The following CNPY2 variants were observed in gnomAD, a reference collection of about 807,000 sequenced individuals.
CNPY2 encodes canopy FGF signaling regulator 2.
A neutral mutation model predicts 25.5 loss-of-function variants in CNPY2; 19 were observed. That is an observed-to-expected ratio of 0.74 (90% confidence interval 0.52 to 1.09). The LOEUF is 1.09. CNPY2 is among the 50% of genes least tolerant of loss of function. The pLI, the probability that CNPY2 is intolerant of heterozygous loss-of-function variation, is 0.00. For missense variants in CNPY2, 214 were observed against 233.6 expected (o/e 0.92, Z 0.55); for synonymous variants, 82 against 85.0 (o/e 0.96, Z 0.19).
At position 56,311,273 on chromosome 12, in the gene CNPY2, T is replaced by C. The variant is rs2135935051; in HGVS notation, c.346A>G (p.Ser116Gly). The C allele has an allele frequency of 6.2e-7, 1 of 1,614,226 alleles. No homozygotes were observed. The change falls in exon 4 of 6, where the codon AGT (serine) becomes GGT (glycine). Residue 116 changes from serine (S) to glycine (G), a missense_variant. Physicochemically the swap from Ser to Gly is moderately conservative, Grantham distance 56. Transcript: ENST00000273308. The stretch of plus-strand genomic sequence containing the variant: ...CGGATGCCTTGTAGGTCCAGTTCAC[T>C]GGATTCTCCATTCCGGCCCACTACA... The part of the protein sequence containing the change: ...VRVVGRNGES[S>G]ELDLQGIRID...
intron 3 of CNPY2, 38 bp from the exon 4 acceptor site, chr12:56,311,452 C>T: frequency 1.3e-6 from 2 of 1,571,882 alleles, no homozygotes; most frequent in Non-Finnish European, 1.8e-6. Context: ...TCTCTTCTAC[C>T]TCTGTACATT....
chr12:56,311,131 G>A lies in CNPY2; in HGVS notation c.409-77C>T, dbSNP rs1873703636. 8.7e-6 allele frequency: 14 copies of A among 1,602,018 alleles called. No individual in the cohort carries two copies. The South Asian group carries it at 1.3e-4, about 15-fold the overall frequency. ...CCTTCACTTCCAAAGAGGAGGACAA[G>A]GATATCAGCCTAACTTTCTAATTGG... On this transcript the variant is annotated intron_variant, in intron 4 of 5. Coordinates refer to ENST00000273308, the MANE Select transcript of CNPY2 (RefSeq NM_014255.7).
At chr12:56,310,833 A>C (rs1873693116) in intron 5 of CNPY2, 125 bp downstream of exon 5, 11 of 950,126 alleles carry the variant, frequency 1.2e-5, no homozygotes, top group Non-Finnish European at 1.5e-5. Context: ...CCCTAAGCCA[A>C]GGGAAATGGA....
At chr12:56,314,550 G>A in intron 3 of CNPY2, 1 of 1,202,514 alleles carries the variant, frequency 8.3e-7, no homozygotes. Context: ...ATTTTGAACG[G>A]ATGTTTGCAT....
chr12:56,314,813 G>A, intron 3 of CNPY2, 38 bp downstream of exon 3: 1 of 1,614,192 alleles, frequency 6.2e-7, no homozygotes, highest in Non-Finnish European at 8.5e-7. Flanking sequence ...TCCAAAGCCA[G>A]AGTGAGCTAC....
upstream of CNPY2, chr12:56,316,321 C>G (rs943647137): frequency 6.6e-6 from 1 of 152,540 alleles, no homozygotes; most frequent in Non-Finnish European, 1.5e-5. Context: ...GCGCTGCCGG[C>G]CAGCGAGCAG....
chr12:56,312,128 T>C (rs576821704), intron 3 of CNPY2, among the ~76,000 whole-genome samples: 94 of 152,224 alleles, frequency 6.2e-4, no homozygotes, highest in African/African-American at 2.2e-3. Flanking sequence ...TCCGCCCACC[T>C]TGGCCTCCCC....
rs766286531 is a variant in CNPY2, at chr12:56,315,264, AC to A, written c.-25-23del. The A allele has an allele frequency of 1.8e-4, 269 of 1,478,922 alleles. 2 individuals carry two copies. The highest frequency in any genetic ancestry group is 1.8e-5 in the Non-Finnish European group (19 of 1,064,116). 91.6% of individuals were successfully genotyped at this position (1,478,922 alleles called of 1,614,324 possible). Reference sequence around the variant, plus strand: ...CCACCTGGGTTTGAGTGGGAATAAAACATAAGTGTGAGGAGCCGACTCCATT... The same window carrying A: ...CCACCTGGGTTTGAGTGGGAATAAAAATAAGTGTGAGGAGCCGACTCCATT... On this transcript the variant is annotated intron_variant, in intron 1 of 5. Coordinates refer to ENST00000273308, the MANE Select transcript of CNPY2 (RefSeq NM_014255.7).
Position 56,310,580 on chromosome 12 carries a change from G to C in CNPY2, c.521C>G (p.Ala174Gly). The C allele has an allele frequency of 3.7e-6, 6 of 1,614,182 alleles. No individual in the cohort carries two copies. Among genetic ancestry groups the C allele is most frequent in the Non-Finnish European group, 5.1e-6 (6 of 1,180,018 alleles). The change falls in exon 6 of 6, where the codon GCC (alanine) becomes GGC (glycine). Residue 174 changes from alanine to glycine, a missense_variant. Coordinates refer to ENST00000273308, the MANE Select transcript of CNPY2 (RefSeq NM_014255.7). ...TAGCTCATCATGCGATATGTGCAGG[G>C]CATGGTCACAAAGATCTGCAAATGG... ...CSKRTDLCDH[A>G]LHISHDEL
At chr12:56,315,375 A>G in intron 1 of CNPY2, 133 bp from the exon 2 acceptor site, 1 of 620,308 alleles carries the variant, frequency 1.6e-6, no homozygotes, top group Non-Finnish European at 2.8e-6. Flanking sequence ...AATGGCCGGG[A>G]CACAAAGGGG....
chr12:56,312,935 T>C (rs1873763976), intron 3 of CNPY2: 1 of 152,200 alleles, frequency 6.6e-6, no homozygotes, highest in African/African-American at 2.4e-5. Context: ...ACAGAATTTT[T>C]TGATTAACCT....
chr12:56,313,444 C>T (rs1019291241), intron 3 of CNPY2, among the ~76,000 whole-genome samples: 17 of 151,982 alleles, frequency 1.1e-4, no homozygotes, highest in African/African-American at 3.4e-4. Flanking sequence ...GAGCCGAGAT[C>T]GTGTCATTGC....
rs781487912 is a variant in CNPY2 at position 56,310,545 on chromosome 12, C to T, written c.*7G>A. The T allele has an allele frequency of 6.2e-7, 1 of 1,614,170 alleles. No individual in the cohort carries two copies. ...TCCATCAAGCCAGTGTGGGCTGCTC[C>T]AGTGGTTCATAGCTCATCATGCGAT... On this transcript the variant is annotated 3_prime_UTR_variant, in exon 6 of 6. Coordinates refer to ENST00000273308, the MANE Select transcript of CNPY2 (RefSeq NM_014255.7).
chr12:56,316,182 A>C (rs1873945651), upstream of CNPY2: 2 of 152,680 alleles, frequency 1.3e-5, no homozygotes, highest in Admixed American at 6.5e-5. Context: ...GAACAGATCC[A>C]CGTGACCACC....
intron 3 of CNPY2, among the ~76,000 whole-genome samples, chr12:56,313,256 C>T (rs985210560): frequency 1.3e-5 from 2 of 151,920 alleles, no homozygotes; most frequent in African/African-American, 4.8e-5. Flanking sequence ...TTTGAGAGGC[C>T]GAGGAGGGTG....
At chr12:56,310,754 C>T (rs954529413) in intron 5 of CNPY2, among the ~76,000 whole-genome samples, 159 bp from the exon 6 acceptor site, 1 of 152,224 alleles carries the variant, frequency 6.6e-6, no homozygotes, top group Non-Finnish European at 1.5e-5. Flanking sequence ...TGTCCTCTCA[C>T]CTGTATCTCA....
rs1186921942 is a variant in CNPY2 at position 56,315,045 on chromosome 12, T to A, written c.89-79A>T. ...AGGAGAATGGGATCAACCCAGGATT[T>A]CCATTCATCCTTCTCCCAGGCCTTG... On this transcript the variant is annotated intron_variant, in intron 2 of 5. Transcript: ENST00000273308. The A allele has an allele frequency of 6.9e-6, 11 of 1,595,156 alleles. No individual in the cohort carries two copies. The Admixed American group carries it at 1.8e-4, about 27-fold the overall frequency.
intron 3 of CNPY2, chr12:56,311,727 T>A (rs1873722809): frequency 5.4e-6 from 2 of 370,800 alleles, no homozygotes; most frequent in South Asian, 4.3e-5. Context: ...AACTTTTGTA[T>A]TTTTAGTAGA....
In CNPY2 at chr12:56,311,288, G is replaced by A. The variant is rs768166554; in HGVS notation, c.331C>T (p.Arg111Trp). The A allele has an allele frequency of 9.9e-6, 16 of 1,613,942 alleles. No homozygotes were observed. Among genetic ancestry groups the A allele is most frequent in the South Asian group, 8.8e-5 (8 of 91,082 alleles). The change falls in exon 4 of 6, where the codon CGG (arginine) becomes TGG (tryptophan). Residue 111 changes from arginine to tryptophan, a missense_variant. By Grantham distance (101) the Arg-to-Trp change is moderately radical. Transcript: ENST00000273308. The stretch of plus-strand genomic sequence containing the variant: ...TCCAGTTCACTGGATTCTCCATTCC[G>A]GCCCACTACACGTACGTAGTTCTTG... ...HRKNYVRVVG[R>W]NGESSELDLQ...
Sources: allele counts gnomAD v4.1 joint callset (sites outside exome capture counted in the v4.1 genomes callset), GRCh38; gene constraint gnomAD v4.1.1; transcripts MANE v1.5; gene names NCBI Gene and HGNC (gene_info 2026-07-23, HGNC 2026-07-21).